Variants in LMAN2L observed in about 807,000 individuals in gnomAD.
The protein encoded by LMAN2L is VIP36-like protein.
Under a neutral mutation model 44.3 loss-of-function variants are expected in LMAN2L, and 30 were observed. The observed-to-expected ratio is 0.68, with a 90% CI of 0.51 to 0.92. The LOEUF is 0.92. LMAN2L is among the 40% of genes least tolerant of loss of function. The pLI, the probability that LMAN2L is intolerant of heterozygous loss-of-function variation, is 0.00. For synonymous variants in LMAN2L, 183 were observed against 171.1 expected (o/e 1.07, Z -0.54); for missense variants, 429 against 446.1 (o/e 0.96, Z 0.35).
intron 6 of LMAN2L, among the ~76,000 whole-genome samples, chr2:96,710,363 G>A (rs369345083): frequency 5.9e-5 from 9 of 152,288 alleles, no homozygotes; most frequent in African/African-American, 2.2e-4. Flanking sequence ...TCAGCAGATT[G>A]CATTTTAAAA....
chr2:96,719,370 T>C (rs113187034), intron 4 of LMAN2L, among the ~76,000 whole-genome samples: 5 of 151,994 alleles, frequency 3.3e-5, no homozygotes, highest in Non-Finnish European at 5.9e-5. Flanking sequence ...TCTCCCTCTT[T>C]CACTGTCTCA....
intron 4 of LMAN2L, chr2:96,713,057 A>G (rs1169250029): frequency 2.0e-6 from 3 of 1,500,044 alleles, no homozygotes; most frequent in Admixed American, 2.0e-5. Flanking sequence ...CAAATGTTGG[A>G]TGGACACATG....
chr2:96,729,791 C>T (rs2078355087), intron 4 of LMAN2L, among the ~76,000 whole-genome samples: 1 of 152,112 alleles, frequency 6.6e-6, no homozygotes, highest in South Asian at 2.1e-4. Context: ...CGGGTGTGAG[C>T]CACCGCGCCC....
At chr2:96,721,089 C>CA (rs974607961) in intron 4 of LMAN2L, among the ~76,000 whole-genome samples, 3 of 151,586 alleles carry the variant, frequency 2.0e-5, no homozygotes, top group African/African-American at 7.3e-5. Context: ...TTCATCACCC[C>CA]AAAAAAAAAT....
intron 4 of LMAN2L, chr2:96,713,225 G>T: frequency 8.5e-7 from 1 of 1,174,752 alleles, no homozygotes; most frequent in Non-Finnish European, 1.2e-6. Flanking sequence ...CCACAGAAGA[G>T]CTATGACCCA....
At chr2:96,725,453 T>C (rs571988100) in intron 4 of LMAN2L, among the ~76,000 whole-genome samples, 2 of 151,400 alleles carry the variant, frequency 1.3e-5, no homozygotes, top group East Asian at 3.9e-4. Flanking sequence ...TCTTTTTTTT[T>C]TTTTTTTGAG....
Position 96,739,963 on chromosome 2 carries a change from C to T in LMAN2L, c.78G>A (p.Met26Ile), listed in dbSNP as rs901412262. Residue 26 changes from methionine (M) to isoleucine (I), a missense_variant, in exon 1 of 8, where the codon ATG becomes ATA. Physicochemically the swap from Met to Ile is conservative, Grantham distance 10 (BLOSUM62 1). Transcript: ENST00000264963. Reference sequence around the variant, plus strand: ...ACCCCAACAAAAGAAGAAGGAGTAACATCCTGGACCCATCCCGAGCCGACA... The same window carrying T: ...ACCCCAACAAAAGAAGAAGGAGTAATATCCTGGACCCATCCCGAGCCGACA... ...RCLSARDGSRMLLLLLLLGSG... is the reference protein window; with the variant it reads ...RCLSARDGSRILLLLLLLGSG... The T allele has an allele frequency of 3.7e-6, 6 of 1,613,874 alleles. No homozygotes were observed. In the Admixed American group the frequency reaches 5.0e-5, roughly 13 times the overall value.
chr2:96,735,166 T>G (rs892592157), intron 2 of LMAN2L, among the ~76,000 whole-genome samples: 1 of 152,164 alleles, frequency 6.6e-6, no homozygotes, highest in Non-Finnish European at 1.5e-5. Flanking sequence ...CACTTGAAGA[T>G]GGATGCAAGT....
intron 4 of LMAN2L, among the ~76,000 whole-genome samples, chr2:96,727,488 C>G (rs920385915): frequency 4.6e-5 from 7 of 152,088 alleles, no homozygotes; most frequent in Non-Finnish European, 8.8e-5. Context: ...AAAAATTAGC[C>G]AGGTGTGGTG....
At chr2:96,722,976 C>T (rs544339848) in intron 4 of LMAN2L, among the ~76,000 whole-genome samples, 99 of 152,018 alleles carry the variant, frequency 6.5e-4, no homozygotes, top group African/African-American at 2.2e-3. Flanking sequence ...GCTGAGATCA[C>T]GCCACTGCAC....
intron 4 of LMAN2L, among the ~76,000 whole-genome samples, chr2:96,719,510 A>C (rs1230894170): frequency 6.6e-6 from 1 of 152,026 alleles, no homozygotes; most frequent in Non-Finnish European, 1.5e-5. Context: ...GCACTTCGGG[A>C]GGCCAAGGGA....
chr2:96,729,228 T>C (rs1439522966), intron 4 of LMAN2L, among the ~76,000 whole-genome samples: 2 of 151,774 alleles, frequency 1.3e-5, no homozygotes, highest in Non-Finnish European at 2.9e-5. Context: ...AATGTCTCTA[T>C]TCTCAAGAAA....
Position 96,711,709 on chromosome 2 carries a change from C to A in LMAN2L, c.731G>T (p.Arg244Leu). ...GCCGAAGTAGTAGCCGCGGGGCAGG[C>A]GGACTCCGGGCACTTCAATGCAGTC... Reference protein sequence around the residue: ...WRDCIEVPGVRLPRGYYFGTS... With the variant: ...WRDCIEVPGVLLPRGYYFGTS... Residue 244 changes from arginine (R) to leucine (L), a missense_variant, in exon 6 of 8, where the codon CGC becomes CTC. Physicochemically the swap from Arg to Leu is moderately radical, Grantham distance 102. Transcript: ENST00000264963. The A allele has an allele frequency of 6.2e-7, 1 of 1,613,964 alleles. No homozygotes were observed. Among genetic ancestry groups the A allele is most frequent in the Admixed American group, 1.7e-5 (1 of 60,012 alleles).
chr2:96,724,434 G>A (rs965557484), intron 4 of LMAN2L, among the ~76,000 whole-genome samples: 1 of 152,234 alleles, frequency 6.6e-6, no homozygotes, highest in African/African-American at 2.4e-5. Context: ...ACAATACCAA[G>A]TCTTCCAATC....
chr2:96,718,048 C>T (rs554952418), intron 4 of LMAN2L, among the ~76,000 whole-genome samples: 4 of 152,018 alleles, frequency 2.6e-5, no homozygotes, highest in South Asian at 4.2e-4. Flanking sequence ...CTCCACCTCC[C>T]GGGTTCAAGC....
chr2:96,728,371 G>A lies in LMAN2L; in HGVS notation c.507+5148C>T, dbSNP rs188330533. Among the ~76,000 whole-genome samples the A allele has an allele frequency of 2.9e-3, 447 of 152,106 alleles. 1 individual carries two copies. Among genetic ancestry groups the A allele is most frequent in the Admixed American group, 5.8e-3 (89 of 15,260 alleles). ...AAATTAGCCGGGCGTGGTTGCAGGT[G>A]CCTGTAGTCCCAGCTACCCAGCTAT... On this transcript the variant is annotated intron_variant, in intron 4 of 7. Transcript: ENST00000264963.
chr2:96,711,582 G>T, intron 6 of LMAN2L, 74 bp downstream of exon 6: 1 of 986,102 alleles, frequency 1.0e-6, no homozygotes, highest in Non-Finnish European at 1.6e-6. Context: ...TCTCCCCTGT[G>T]AGAGGCCTCA....
chr2:96,735,564 C>G (rs993756284), intron 2 of LMAN2L, among the ~76,000 whole-genome samples: 1 of 152,140 alleles, frequency 6.6e-6, no homozygotes, highest in Non-Finnish European at 1.5e-5. Flanking sequence ...AACGGCCCAG[C>G]GCGGTGGCTC....
At chr2:96,729,825 G>A (rs2078356323) in intron 4 of LMAN2L, among the ~76,000 whole-genome samples, 1 of 152,054 alleles carries the variant, frequency 6.6e-6, no homozygotes, top group Non-Finnish European at 1.5e-5. Context: ...GTTTTATAAG[G>A]ATAAAAGGAA....
Sources: gnomAD v4.1 joint callset for allele counts (sites outside exome capture counted in the v4.1 genomes callset) on GRCh38, gnomAD v4.1.1 for gene constraint, MANE v1.5 for transcripts, NCBI Gene and HGNC (gene_info 2026-07-23, HGNC 2026-07-21) for gene names.